COL5A1: variants seen among roughly 807,000 people sequenced by gnomAD.
The protein encoded by COL5A1 is collagen alpha-1(V) chain.
In COL5A1, 16 loss-of-function variants were observed where a neutral mutation model predicts 263.7. The ratio of observed to expected loss-of-function variants is 0.06; its 90% confidence interval spans 0.04 to 0.09. The LOEUF (loss-of-function observed/expected upper bound fraction) is 0.09, where lower values mean the gene tolerates loss of function less well. Among genes scored for constraint, COL5A1 ranks in the 10% least tolerant of loss-of-function variants. The pLI is 1.00. For missense variants in COL5A1, 2,036 were observed against 2,540.5 expected (o/e 0.80, Z 4.27); for synonymous variants, 1,012 against 1,004.5 (o/e 1.01, Z -0.14).
intron 24 of COL5A1, 40 bp downstream of exon 24, chr9:134,767,394 T>C: frequency 6.3e-6 from 10 of 1,598,856 alleles, no homozygotes; most frequent in Non-Finnish European, 8.6e-6. Flanking sequence ...ACTGCCCGCC[T>C]GCAGGTGGAT....
In COL5A1 at chr9:134,761,904, G is replaced by C. The variant is rs77716946; in HGVS notation, c.1936-21G>C. 2.8e-3 allele frequency: 4,523 copies of C among 1,612,978 alleles called. 108 individuals carry two copies. In the African/African-American group the frequency reaches 0.049, roughly 17 times the overall value. ...CATGACCTGCTCAGGAGAGGCTGAC[G>C]TTGACCCTTTCACTTCCTAGGGTGA... On this transcript the variant is annotated intron_variant, in intron 18 of 65. Transcript: ENST00000371817.
chr9:134,806,224 T>C lies in COL5A1; in HGVS notation c.3294T>C (p.Ala1098=), dbSNP rs949276689. 1.4e-5 allele frequency: 21 copies of C among 1,550,540 alleles called. No homozygotes were observed. Among genetic ancestry groups the C allele is most frequent in the Admixed American group, 2.0e-5 (1 of 50,976 alleles). Residue 1098 remains alanine (A), a synonymous_variant, in exon 42 of 66, where the codon GCT becomes GCC. Transcript: ENST00000371817. ...GGGAGAGAGGTCCAGCTGGAGCCGCTGGGCCCATCGGAATTCCAGGGAGAC... is the reference window on the plus strand; with the variant it reads ...GGGAGAGAGGTCCAGCTGGAGCCGCCGGGCCCATCGGAATTCCAGGGAGAC... ...SPGERGPAGA[A]GPIGIPGRPG...
chr9:134,719,365 T>C (rs1297575700), intron 4 of COL5A1, among the ~76,000 whole-genome samples: 5 of 152,186 alleles, frequency 3.3e-5, no homozygotes, highest in Non-Finnish European at 1.5e-5. Context: ...ACAGTACACA[T>C]ATGGCCTCCT....
At chr9:134,768,538 C>T in intron 25 of COL5A1, 75 bp downstream of exon 25, 1 of 1,455,640 alleles carries the variant, frequency 6.9e-7, no homozygotes, top group Non-Finnish European at 9.6e-7. Context: ...CAGGCCCAGG[C>T]TCTTTGGGGT....
intron 2 of COL5A1, among the ~76,000 whole-genome samples, chr9:134,698,183 G>T (rs1324800076): frequency 6.6e-6 from 1 of 152,252 alleles, no homozygotes; most frequent in Admixed American, 6.5e-5. Context: ...GCCTTTCCCA[G>T]ATGGCCACAC....
chr9:134,774,158 C>T (rs773159553), intron 26 of COL5A1, among the ~76,000 whole-genome samples: 3 of 152,254 alleles, frequency 2.0e-5, no homozygotes, highest in Non-Finnish European at 4.4e-5. Context: ...CTGAGTTCCT[C>T]TATGTGCCAG....
intron 2 of COL5A1, 146 bp downstream of exon 2, chr9:134,691,225 G>C: frequency 1.0e-6 from 1 of 999,054 alleles, no homozygotes; most frequent in Non-Finnish European, 1.5e-6. Context: ...TCGTTTCACT[G>C]TAGTGAAAAG....
chr9:134,761,330 T>G (rs1486385154), intron 18 of COL5A1, among the ~76,000 whole-genome samples: 1 of 152,004 alleles, frequency 6.6e-6, no homozygotes, highest in Non-Finnish European at 1.5e-5. Flanking sequence ...CACACCCCAC[T>G]GCTCTGTTGA....
intron 1 of COL5A1, among the ~76,000 whole-genome samples, chr9:134,664,145 G>A (rs1832289642): frequency 6.6e-6 from 1 of 152,198 alleles, no homozygotes; most frequent in Non-Finnish European, 1.5e-5. Context: ...ATTGAACTGG[G>A]CTAGAGTGTT....
At chr9:134,738,391 C>T in intron 9 of COL5A1, 83 bp from the exon 10 acceptor site, 1 of 1,520,724 alleles carries the variant, frequency 6.6e-7, no homozygotes, top group Non-Finnish European at 9.1e-7. Context: ...GTGCATGCAG[C>T]TGAAGGCCGT....
chr9:134,736,711 G>C (rs961210313), intron 9 of COL5A1, among the ~76,000 whole-genome samples: 8 of 152,230 alleles, frequency 5.3e-5, no homozygotes, highest in African/African-American at 9.6e-5. Flanking sequence ...AGGTACTGAT[G>C]AGACTTAGGC....
chr9:134,752,044 G>C (rs1415534544), intron 13 of COL5A1, among the ~76,000 whole-genome samples: 1 of 152,226 alleles, frequency 6.6e-6, no homozygotes, highest in African/African-American at 2.4e-5. Flanking sequence ...AGCTGCAGAA[G>C]CGGCTCTGTG....
intron 1 of COL5A1, among the ~76,000 whole-genome samples, chr9:134,646,093 A>G (rs76101913): frequency 0.11 from 17,155 of 151,852 alleles, 1,147 homozygotes; most frequent in South Asian, 0.13. Flanking sequence ...ACCACTTCCC[A>G]GGCCTCTCTG....
At chr9:134,717,391 G>C (rs1404710692) in intron 4 of COL5A1, among the ~76,000 whole-genome samples, 1 of 152,224 alleles carries the variant, frequency 6.6e-6, no homozygotes, top group Non-Finnish European at 1.5e-5. Flanking sequence ...TCTGGGGCCA[G>C]CGTTGTTCCA....
intron 4 of COL5A1, among the ~76,000 whole-genome samples, chr9:134,705,070 C>G (rs1833792709): frequency 6.6e-6 from 1 of 152,210 alleles, no homozygotes. Context: ...TCCGCTCATT[C>G]AAAGCCAATC....
intron 32 of COL5A1, among the ~76,000 whole-genome samples, chr9:134,792,896 CGT>C (rs1328502997): frequency 1.7e-4 from 5 of 30,136 alleles, no homozygotes; most frequent in African/African-American, 4.9e-4. Context: ...TGTGTGCGCG[CGT>C]GTGTGCACGC....
At chr9:134,699,825 G>A (rs1833605292) in intron 2 of COL5A1, 84 bp from the exon 3 acceptor site, 4 of 1,350,816 alleles carry the variant, frequency 3.0e-6, no homozygotes, top group Middle Eastern at 1.9e-4. Flanking sequence ...CAGGGTCCCG[G>A]GCTGGCTTGT....
chr9:134,801,231 C>T (rs1047327684), intron 37 of COL5A1, among the ~76,000 whole-genome samples: 12 of 152,254 alleles, frequency 7.9e-5, no homozygotes, highest in African/African-American at 9.6e-5. Context: ...AGCTGGCCCT[C>T]GCTCTTGCCT....
intron 4 of COL5A1, among the ~76,000 whole-genome samples, chr9:134,705,693 C>T (rs936365868): frequency 1.3e-5 from 2 of 152,290 alleles, no homozygotes; most frequent in East Asian, 1.9e-4. Context: ...GGGTCTTTGG[C>T]GGTGAGAGCT....
Sources: gnomAD v4.1 joint callset for allele counts (sites outside exome capture counted in the v4.1 genomes callset) on GRCh38, gnomAD v4.1.1 for gene constraint, MANE v1.5 for transcripts, NCBI Gene and HGNC (gene_info 2026-07-23, HGNC 2026-07-21) for gene names.